The following MAN1A1 variants were observed in gnomAD, a reference collection of about 807,000 sequenced individuals.
MAN1A1 encodes the protein mannosidase alpha class 1A member 1, also known as mannosyl-oligosaccharide 1,2-alpha-mannosidase IA.
MAN1A1 carries 29 observed loss-of-function variants against 70.8 expected under a neutral mutation model. The ratio of observed to expected loss-of-function variants is 0.41; its 90% CI spans 0.31 to 0.56. The LOEUF is 0.56. Among genes scored for constraint, MAN1A1 ranks in the 20% least tolerant of loss-of-function variants. The probability of loss-of-function intolerance (pLI) is 0.29; values close to 1 mark genes in which losing one functional copy is unlikely to be tolerated. For synonymous variants in MAN1A1, 349 were observed against 330.1 expected (o/e 1.06, Z -0.62); for missense variants, 747 against 841.3 (o/e 0.89, Z 1.39).
At chr6:119,303,173 C>G (rs1772440366) in intron 3 of MAN1A1, among the ~76,000 whole-genome samples, 1 of 152,118 alleles carries the variant, frequency 6.6e-6, no homozygotes, top group Non-Finnish European at 1.5e-5. Context: ...TGTGTGCCAC[C>G]ATGCCTGGCT....
At chr6:119,258,516 G>A (rs904189895) in intron 5 of MAN1A1, among the ~76,000 whole-genome samples, 1 of 152,128 alleles carries the variant, frequency 6.6e-6, no homozygotes, top group Admixed American at 6.5e-5. Context: ...ATGTACTCAT[G>A]TTATATGCAA....
upstream of MAN1A1, chr6:119,350,529 C>T: frequency 1.0e-6 from 1 of 985,400 alleles, no homozygotes; most frequent in Non-Finnish European, 1.2e-6. Context: ...TCATTTACCT[C>T]ATAGAAGTTG....
chr6:119,349,851 C>T, upstream of MAN1A1: 1 of 712,164 alleles, frequency 1.4e-6, no homozygotes, highest in Non-Finnish European at 1.7e-6. Flanking sequence ...ACGCGCCGCC[C>T]AGGGTCCCGC....
intron 2 of MAN1A1, among the ~76,000 whole-genome samples, chr6:119,342,313 CTGAGT>C (rs761944638): frequency 6.6e-6 from 1 of 152,070 alleles, no homozygotes; most frequent in African/African-American, 2.4e-5. Flanking sequence ...ATCCACTTTC[CTGAGT>C]TATTAAACAG....
Position 119,349,668 on chromosome 6 carries a change from C to G in MAN1A1, c.-349G>C, listed in dbSNP as rs1403255466. The G allele has an allele frequency of 2.0e-6, 2 of 985,770 alleles. No homozygotes were observed. The highest frequency in any genetic ancestry group is 2.4e-6 in the Non-Finnish European group (2 of 830,024). The allele number at this position is 985,770 out of a possible 1,614,324, so 61.1% of individuals were successfully genotyped here. A position where few individuals can be genotyped will look rare whatever the true frequency, so the allele number is the denominator to read the frequency against. ...CGCGCTGTCCCACGGTCCCGCAGCCCCGGCGCGGCTCAGGTGGGCGAGCGC... is the reference window on the plus strand; with the variant it reads ...CGCGCTGTCCCACGGTCCCGCAGCCGCGGCGCGGCTCAGGTGGGCGAGCGC... On this transcript the variant is annotated 5_prime_UTR_variant, in exon 1 of 13. Coordinates refer to ENST00000368468, the MANE Select transcript of MAN1A1 (RefSeq NM_005907.4).
At chr6:119,344,631 A>T (rs1773680046) in intron 2 of MAN1A1, among the ~76,000 whole-genome samples, 1 of 152,240 alleles carries the variant, frequency 6.6e-6, no homozygotes, top group African/African-American at 2.4e-5. Flanking sequence ...TTTCCACCCC[A>T]GAACTACCCA....
chr6:119,318,720 C>T (rs1353803184), intron 2 of MAN1A1, among the ~76,000 whole-genome samples: 1 of 152,066 alleles, frequency 6.6e-6, no homozygotes, highest in African/African-American at 2.4e-5. Context: ...TACTTCTGTA[C>T]CCTGTAGGGA....
intron 5 of MAN1A1, among the ~76,000 whole-genome samples, chr6:119,274,973 G>A (rs1776015696): frequency 1.3e-5 from 2 of 152,134 alleles, no homozygotes; most frequent in Admixed American, 6.5e-5. Context: ...ATGAATAAAT[G>A]TTTTCAAACA....
chr6:119,284,490 A>G lies in MAN1A1; in HGVS notation c.897+6193T>C, dbSNP rs546509172. Among the ~76,000 whole-genome samples, 5 of 152,360 alleles carry G rather than the reference A, an allele frequency of 3.3e-5. No homozygotes were observed. In the East Asian group the frequency reaches 9.6e-4, roughly 29 times the overall value. ...AATAAGGACGCTGTTGAGAAGGGGC[A>G]GAGAAAGCTTTATCAGCTTTTCTTT... On this transcript the variant is annotated intron_variant, in intron 5 of 12. Transcript: ENST00000368468.
At chr6:119,344,601 T>C (rs181127381) in intron 2 of MAN1A1, among the ~76,000 whole-genome samples, 1 of 152,206 alleles carries the variant, frequency 6.6e-6, no homozygotes, top group Non-Finnish European at 1.5e-5. Context: ...TCATGGCTTT[T>C]ATTATTTTGT....
intron 2 of MAN1A1, among the ~76,000 whole-genome samples, chr6:119,330,345 C>A (rs1435566820): frequency 1.3e-5 from 2 of 152,088 alleles, no homozygotes; most frequent in African/African-American, 2.4e-5. Flanking sequence ...ATCAGAAAAC[C>A]CGTGACCCAA....
chr6:119,283,293 T>G (rs1776269681), intron 5 of MAN1A1, among the ~76,000 whole-genome samples: 2 of 152,220 alleles, frequency 1.3e-5, no homozygotes, highest in Admixed American at 1.3e-4. Context: ...AAGAATTTTC[T>G]GTTGCAGTTT....
At chr6:119,305,744 A>G (rs149309506) in intron 3 of MAN1A1, among the ~76,000 whole-genome samples, 1 of 152,182 alleles carries the variant, frequency 6.6e-6, no homozygotes, top group Non-Finnish European at 1.5e-5. Flanking sequence ...CACTATTTAC[A>G]TATTATATGC....
At chr6:119,299,287 A>G (rs1277227439) in intron 4 of MAN1A1, among the ~76,000 whole-genome samples, 1 of 152,078 alleles carries the variant, frequency 6.6e-6, no homozygotes, top group African/African-American at 2.4e-5. Context: ...TTAATATGGG[A>G]AACATTATTG....
intron 6 of MAN1A1, among the ~76,000 whole-genome samples, chr6:119,215,342 T>C (rs1380194385): frequency 6.6e-6 from 1 of 152,178 alleles, no homozygotes; most frequent in Non-Finnish European, 1.5e-5. Context: ...AAGCATACAG[T>C]ATGAGGTAAA....
intron 2 of MAN1A1, among the ~76,000 whole-genome samples, chr6:119,317,530 T>C (rs1445519987): frequency 6.6e-6 from 1 of 152,214 alleles, no homozygotes; most frequent in African/African-American, 2.4e-5. Context: ...GCATTTAAGG[T>C]ACCTCCATGC....
intron 6 of MAN1A1, among the ~76,000 whole-genome samples, chr6:119,240,272 C>G (rs1384941113): frequency 6.6e-6 from 1 of 152,136 alleles, no homozygotes; most frequent in Non-Finnish European, 1.5e-5. Flanking sequence ...TAAATTTTTC[C>G]ACTTTAATTA....
chr6:119,323,123 A>T (rs896394310), intron 2 of MAN1A1, among the ~76,000 whole-genome samples: 5 of 152,244 alleles, frequency 3.3e-5, no homozygotes, highest in African/African-American at 1.2e-4. Context: ...TGAACAAAAG[A>T]TCGCATTATA....
Position 119,300,843 on chromosome 6 carries a change from T to C in MAN1A1, c.816+1145A>G, listed in dbSNP as rs1368743092. Among the ~76,000 whole-genome samples the C allele has an allele frequency of 2.6e-5, 4 of 152,218 alleles. No homozygotes were observed. In the East Asian group the frequency reaches 5.8e-4, roughly 22 times the overall value. On this transcript the variant is annotated intron_variant, in intron 4 of 12. Coordinates refer to ENST00000368468, the MANE Select transcript of MAN1A1 (RefSeq NM_005907.4). ...AATTAAACACAGACTCATCTGCCTG[T>C]CTTTTAGGTCTCCCAAATGCGGTAT... is the stretch of plus-strand genomic sequence containing the variant.
Sources: allele counts gnomAD v4.1 joint callset (sites outside exome capture counted in the v4.1 genomes callset), GRCh38; gene constraint gnomAD v4.1.1; transcripts MANE v1.5; gene names NCBI Gene and HGNC (gene_info 2026-07-23, HGNC 2026-07-21).